DPP6: variants seen among roughly 807,000 people sequenced by gnomAD.
DPP6 encodes A-type potassium channel modulatory protein DPP6.
Under a neutral mutation model 122.6 loss-of-function variants are expected in DPP6, and 69 were observed. That is an observed-to-expected ratio of 0.56 (90% confidence interval 0.46 to 0.69). The LOEUF is 0.69. Ranked by LOEUF, DPP6 falls within the 30% of genes least tolerant of loss-of-function variation. The pLI is 0.00. For synonymous variants in DPP6, 418 were observed against 433.1 expected, an observed-to-expected ratio of 0.97 and a Z score of 0.43; for missense variants, 928 against 1,116.9, an observed-to-expected ratio of 0.83 and a Z score of 2.41.
At position 154,572,510 on chromosome 7, in the gene DPP6, C is replaced by CTTTTTTTTTTTTTTT. The variant is rs77816407; in HGVS notation, c.627+5606_627+5620dup. 5.2e-3 allele frequency among the ~76,000 whole-genome samples: 448 copies of CTTTTTTTTTTTTTTT among 86,136 alleles called. 7 individuals carry two copies. Among genetic ancestry groups the CTTTTTTTTTTTTTTT allele is most frequent in the Middle Eastern group, 7.9e-3 (1 of 126 alleles). 56.5% of individuals were successfully genotyped at this position (86,136 alleles called of 152,430 possible). A position where few individuals can be genotyped will look rare whatever the true frequency, so the allele number is the denominator to read the frequency against. On this transcript the variant is annotated intron_variant, in intron 5 of 25. Coordinates refer to ENST00000377770, the MANE Select transcript of DPP6 (RefSeq NM_130797.4). ...ATATGAGTTTCTTTTTTTTTCTTTT[C>CTTTTTTTTTTTTTTT]TTTTTTTTTTTTTTTTTTTTTTTTT... is the stretch of plus-strand genomic sequence containing the variant.
chr7:154,480,495 C>T (rs905449057), intron 3 of DPP6, among the ~76,000 whole-genome samples: 4 of 152,206 alleles, frequency 2.6e-5, no homozygotes, highest in Admixed American at 6.5e-5. Flanking sequence ...GCCCTGGATA[C>T]ACTTTTTTCT....
At chr7:154,072,208 C>T (rs570149527) in intron 1 of DPP6, among the ~76,000 whole-genome samples, 57 of 152,384 alleles carry the variant, frequency 3.7e-4, no homozygotes, top group Middle Eastern at 3.4e-3. Context: ...CTTATATCCG[C>T]TTGCAGTTCT....
the DPP6 span, among the ~76,000 whole-genome samples, chr7:153,870,167 C>T: frequency 6.6e-6 from 1 of 152,220 alleles, no homozygotes; most frequent in East Asian, 1.9e-4. Flanking sequence ...TTGTGGTGTT[C>T]TCTGTACTTC....
chr7:154,021,941 C>T (rs1267940808), intron 1 of DPP6, among the ~76,000 whole-genome samples: 1 of 152,206 alleles, frequency 6.6e-6, no homozygotes, highest in African/African-American at 2.4e-5. Context: ...GTCCTACCAG[C>T]TATCTGGGCA....
intron 7 of DPP6, among the ~76,000 whole-genome samples, chr7:154,723,254 T>C (rs1311819314): frequency 6.6e-6 from 1 of 152,096 alleles, no homozygotes; most frequent in Non-Finnish European, 1.5e-5. Flanking sequence ...AAGACTCCTT[T>C]CTCTCAAAAA....
chr7:154,138,892 T>G (rs1795709160), intron 1 of DPP6, among the ~76,000 whole-genome samples: 1 of 152,144 alleles, frequency 6.6e-6, no homozygotes, highest in Admixed American at 6.5e-5. Context: ...CCTTATCAAC[T>G]CAGGCCTGAC....
chr7:153,883,861 C>T (rs1563203987), upstream of DPP6, among the ~76,000 whole-genome samples: 1 of 152,200 alleles, frequency 6.6e-6, no homozygotes, highest in Non-Finnish European at 1.5e-5. Context: ...CCTATCCTTT[C>T]TGCAGGGCTC....
intron 1 of DPP6, among the ~76,000 whole-genome samples, chr7:154,392,999 C>T (rs1028195197): frequency 7.9e-5 from 12 of 152,188 alleles, no homozygotes; most frequent in Non-Finnish European, 1.3e-4. Context: ...GAAGAAAATA[C>T]ATCTAGATTT....
At chr7:154,038,144 T>G (rs1286527917) in intron 1 of DPP6, among the ~76,000 whole-genome samples, 1 of 149,524 alleles carries the variant, frequency 6.7e-6, no homozygotes, top group African/African-American at 2.6e-5. Flanking sequence ...TTTTGTTACT[T>G]TTGTTGTCAT....
At position 154,542,379 on chromosome 7, in the gene DPP6, C is replaced by T. The variant is rs114419931; in HGVS notation, c.552+1753C>T. ...ATAAAATGATCAGACTGTTGCTGAG[C>T]GTCAGTGCATTTTAATGTCGGAATG... On this transcript the variant is annotated intron_variant, in intron 4 of 25. Coordinates refer to ENST00000377770, the MANE Select transcript of DPP6 (RefSeq NM_130797.4). 4.8e-3 allele frequency among the ~76,000 whole-genome samples: 727 copies of T among 152,186 alleles called. 5 individuals carry two copies. The highest frequency in any genetic ancestry group is 0.017 in the African/African-American group (694 of 41,522).
intron 1 of DPP6, among the ~76,000 whole-genome samples, chr7:154,043,433 A>AAAAAG (rs1563126439): frequency 2.6e-5 from 3 of 115,638 alleles, no homozygotes; most frequent in African/African-American, 9.6e-5. Context: ...AAAAAAAAAA[A>AAAAAG]AAAAGGACCT....
intron 1 of DPP6, among the ~76,000 whole-genome samples, chr7:154,430,806 C>T (rs952264643): frequency 4.6e-5 from 7 of 152,158 alleles, no homozygotes; most frequent in African/African-American, 1.7e-4. Context: ...TCCCAGCTGA[C>T]ATATGAGCTT....
chr7:154,087,243 G>A (rs1232956757), intron 1 of DPP6, among the ~76,000 whole-genome samples: 1 of 151,976 alleles, frequency 6.6e-6, no homozygotes, highest in East Asian at 1.9e-4. Context: ...AGGGAAAGGA[G>A]TGGTGTGAGA....
chr7:154,656,678 G>C (rs6959828), intron 6 of DPP6, among the ~76,000 whole-genome samples: 7 of 151,394 alleles, frequency 4.6e-5, no homozygotes, highest in African/African-American at 1.7e-4. Flanking sequence ...TAGGCGTTGG[G>C]CTGATGATGG....
At position 154,443,507 on chromosome 7, in the gene DPP6, C is replaced by CATGGATGG. The variant is rs67554140; in HGVS notation, c.244-2679_244-2672dup. ...ATGGATGGATGTGGATTGACAGATA[C>CATGGATGG]ATGGATGGATGGATGGATGGATGGA... On this transcript the variant is annotated intron_variant, in intron 1 of 25. Transcript: ENST00000377770. Among the ~76,000 whole-genome samples the CATGGATGG allele has an allele frequency of 1.8e-4, 26 of 146,366 alleles. No individual in the cohort carries two copies. In the East Asian group the frequency reaches 3.9e-3, roughly 22 times the overall value.
chr7:153,918,592 C>CATAG (rs1563006289), intron 1 of DPP6, among the ~76,000 whole-genome samples: 1 of 97,028 alleles, frequency 1.0e-5, no homozygotes, highest in Non-Finnish European at 2.2e-5. Context: ...CTCTCTCTCT[C>CATAG]TCTCTCTCTC....
At chr7:154,365,301 T>A (rs1195974923) in intron 1 of DPP6, among the ~76,000 whole-genome samples, 1 of 152,204 alleles carries the variant, frequency 6.6e-6, no homozygotes, top group Non-Finnish European at 1.5e-5. Context: ...AAATAAACTT[T>A]ATAGCACTAG....
At chr7:154,029,587 C>G (rs1799123432) in intron 1 of DPP6, among the ~76,000 whole-genome samples, 1 of 150,488 alleles carries the variant, frequency 6.6e-6, no homozygotes. Context: ...TGGCTCACGC[C>G]TGTAATCCCA....
At chr7:153,925,872 C>G (rs946126234) in intron 1 of DPP6, among the ~76,000 whole-genome samples, 1 of 152,172 alleles carries the variant, frequency 6.6e-6, no homozygotes, top group African/African-American at 2.4e-5. Flanking sequence ...ACTTTGGCTC[C>G]ACAATGTGAG....
Sources: gnomAD v4.1 joint callset for allele counts (sites outside exome capture counted in the v4.1 genomes callset) on GRCh38, gnomAD v4.1.1 for gene constraint, MANE v1.5 for transcripts, NCBI Gene and HGNC (gene_info 2026-07-23, HGNC 2026-07-21) for gene names.